Variants in CSMD1 observed in about 807,000 individuals in gnomAD.
CSMD1 encodes CUB and Sushi multiple domains 1.
CSMD1 carries 213 observed loss-of-function variants against 417.5 expected under a neutral mutation model. The ratio of observed to expected loss-of-function variants is 0.51; its 90% confidence interval spans 0.46 to 0.57. The LOEUF (loss-of-function observed/expected upper bound fraction) is 0.57, where lower values mean the gene tolerates loss of function less well. Among genes scored for constraint, CSMD1 ranks in the 20% least tolerant of loss-of-function variants. CSMD1 has a pLI of 0.00. For missense variants in CSMD1, 6,923 were observed against 4,529.7 expected (o/e 1.53, Z -15.17); for synonymous variants, 2,862 against 1,736.8 (o/e 1.65, Z -16.11).
chr8:4,938,542 G>C (rs995217801), intron 1 of CSMD1, among the ~76,000 whole-genome samples: 2 of 152,210 alleles, frequency 1.3e-5, no homozygotes, highest in Non-Finnish European at 2.9e-5. Context: ...TGCTGAGTAT[G>C]ACAGGGATAT....
chr8:3,599,195 T>C (rs566176215), intron 8 of CSMD1, among the ~76,000 whole-genome samples: 2 of 151,062 alleles, frequency 1.3e-5, no homozygotes, highest in East Asian at 1.9e-4. Context: ...TGAGGGATAC[T>C]GTATATATTT....
intron 1 of CSMD1, among the ~76,000 whole-genome samples, chr8:4,729,324 G>C (rs1338823796): frequency 6.6e-6 from 1 of 152,196 alleles, no homozygotes; most frequent in Non-Finnish European, 1.5e-5. Context: ...AAGGTGTTTT[G>C]TTGGTGTGGA....
intron 3 of CSMD1, among the ~76,000 whole-genome samples, chr8:4,419,533 C>A (rs904784936): frequency 6.6e-6 from 1 of 152,134 alleles, no homozygotes; most frequent in Non-Finnish European, 1.5e-5. Flanking sequence ...TTAAAAATTT[C>A]AGCTTTGACA....
intron 5 of CSMD1, among the ~76,000 whole-genome samples, chr8:3,951,986 T>C (rs77041021): frequency 6.6e-6 from 1 of 152,210 alleles, no homozygotes; most frequent in South Asian, 2.1e-4. Flanking sequence ...TTTCCCTGAT[T>C]ACACTTGGAA....
intron 1 of CSMD1, among the ~76,000 whole-genome samples, chr8:4,969,078 G>A (rs1432268367): frequency 6.6e-6 from 1 of 152,120 alleles, no homozygotes; most frequent in Non-Finnish European, 1.5e-5. Flanking sequence ...GTAAAGTGTT[G>A]ACAGCTCACT....
intron 3 of CSMD1, among the ~76,000 whole-genome samples, chr8:4,130,341 A>G (rs1241950202): frequency 2.6e-5 from 4 of 151,928 alleles, no homozygotes; most frequent in African/African-American, 9.7e-5. Context: ...TATTCCAAAG[A>G]CCCCCAGTAA....
chr8:4,381,874 C>G (rs755227695), intron 3 of CSMD1, among the ~76,000 whole-genome samples: 3 of 152,114 alleles, frequency 2.0e-5, no homozygotes, highest in Non-Finnish European at 4.4e-5. Flanking sequence ...CTTTGCGGAC[C>G]TTTTTGGTTC....
At chr8:3,749,246 T>G (rs964206387) in intron 6 of CSMD1, among the ~76,000 whole-genome samples, 1 of 152,214 alleles carries the variant, frequency 6.6e-6, no homozygotes, top group Admixed American at 6.5e-5. Flanking sequence ...AAAGAAATAA[T>G]GTGTCCTGCA....
At chr8:4,665,531 G>T (rs890526844) in intron 1 of CSMD1, among the ~76,000 whole-genome samples, 3 of 152,258 alleles carry the variant, frequency 2.0e-5, no homozygotes, top group East Asian at 1.9e-4. Context: ...TCCCCCAGAG[G>T]GTGGCAGCTG....
At chr8:4,082,879 C>T (rs1004872927) in intron 3 of CSMD1, among the ~76,000 whole-genome samples, 1 of 150,476 alleles carries the variant, frequency 6.6e-6, no homozygotes, top group African/African-American at 2.4e-5. Flanking sequence ...GTTTTTTGTC[C>T]TTGTGATACT....
At chr8:4,396,657 C>A (rs989690333) in intron 3 of CSMD1, among the ~76,000 whole-genome samples, 6 of 151,572 alleles carry the variant, frequency 4.0e-5, no homozygotes, top group African/African-American at 1.5e-4. Context: ...ATCTATATAT[C>A]TCCCCATACA....
intron 6 of CSMD1, among the ~76,000 whole-genome samples, chr8:3,737,249 T>C (rs994748321): frequency 2.0e-5 from 3 of 152,176 alleles, no homozygotes; most frequent in Non-Finnish European, 4.4e-5. Context: ...ATAAGCCGAT[T>C]GGGAGTAATG....
At chr8:4,285,525 T>TC (rs1797012288) in intron 3 of CSMD1, among the ~76,000 whole-genome samples, 1 of 152,210 alleles carries the variant, frequency 6.6e-6, no homozygotes. Flanking sequence ...TCTCTTGTTT[T>TC]CGGATATCAG....
chr8:3,575,077 A>G lies in CSMD1; in HGVS notation c.1223-11T>C, dbSNP rs951638195. ...ATCCACATGTTCTCGCTGGAAACAC[A>G]TAGAAACGACGTTATTTTCTACAAC... On this transcript the variant is annotated splice_polypyrimidine_tract_variant and intron_variant, in intron 9 of 69. Transcript: ENST00000635120. 1 of 1,611,992 alleles carries G rather than the reference A, an allele frequency of 6.2e-7. No individual in the cohort carries two copies. The highest frequency in any genetic ancestry group is 1.3e-5 in the African/African-American group (1 of 74,824).
intron 49 of CSMD1, among the ~76,000 whole-genome samples, chr8:3,083,106 T>C (rs1814228088): frequency 6.6e-6 from 1 of 152,158 alleles, no homozygotes; most frequent in Admixed American, 6.5e-5. Flanking sequence ...CTTTTATTTA[T>C]TTTTATTTCA....
intron 8 of CSMD1, among the ~76,000 whole-genome samples, chr8:3,609,162 T>G (rs1348810691): frequency 2.6e-5 from 4 of 152,208 alleles, no homozygotes. Flanking sequence ...CGTTCTGAAT[T>G]TCAACGCTTC....
At chr8:3,337,007 G>C (rs72507678) in intron 23 of CSMD1, among the ~76,000 whole-genome samples, 6,182 of 152,248 alleles carry the variant, frequency 0.041, 373 homozygotes, top group East Asian at 0.25. Flanking sequence ...AGCTGTGCCT[G>C]AGGGTGTGTC....
chr8:4,700,990 G>C (rs1443045516), intron 1 of CSMD1, among the ~76,000 whole-genome samples: 1 of 152,152 alleles, frequency 6.6e-6, no homozygotes, highest in Non-Finnish European at 1.5e-5. Context: ...TAATAAGTGA[G>C]TTTAGGAGCT....
intron 12 of CSMD1, among the ~76,000 whole-genome samples, chr8:3,418,679 C>T (rs1342736074): frequency 1.3e-5 from 2 of 152,138 alleles, no homozygotes; most frequent in Non-Finnish European, 1.5e-5. Context: ...GATCCCACTG[C>T]CCTGCACCAG....
Sources: gnomAD v4.1 joint callset for allele counts (sites outside exome capture counted in the v4.1 genomes callset) on GRCh38, gnomAD v4.1.1 for gene constraint, MANE v1.5 for transcripts, NCBI Gene and HGNC (gene_info 2026-07-23, HGNC 2026-07-21) for gene names.